Variants in DPP6 observed in about 807,000 individuals in gnomAD.
DPP6 encodes dipeptidyl peptidase like 6.
In DPP6, 69 loss-of-function variants were observed where a neutral mutation model predicts 122.6. The ratio of observed to expected loss-of-function variants is 0.56; its 90% CI spans 0.46 to 0.69. The LOEUF (loss-of-function observed/expected upper bound fraction) is 0.69. Among genes scored for constraint, DPP6 ranks in the 30% least tolerant of loss-of-function variants. The probability of loss-of-function intolerance (pLI) is 0.00; values close to 1 mark genes in which losing one functional copy is unlikely to be tolerated. For missense variants in DPP6, 928 were observed against 1,116.9 expected (o/e 0.83, Z 2.41); for synonymous variants, 418 against 433.1 (o/e 0.97, Z 0.43).
At chr7:154,032,167 C>A (rs1346427399) in intron 1 of DPP6, among the ~76,000 whole-genome samples, 1 of 152,002 alleles carries the variant, frequency 6.6e-6, no homozygotes, top group Non-Finnish European at 1.5e-5. Context: ...AGCAGGAGTC[C>A]CATTCTTATA....
intron 1 of DPP6, among the ~76,000 whole-genome samples, chr7:154,318,747 G>A (rs1807654175): frequency 6.6e-6 from 1 of 152,198 alleles, no homozygotes; most frequent in Non-Finnish European, 1.5e-5. Context: ...TAAGTAGAGT[G>A]TAGTAACAGT....
At chr7:154,666,157 C>T (rs1175660361) in intron 6 of DPP6, among the ~76,000 whole-genome samples, 1 of 147,154 alleles carries the variant, frequency 6.8e-6, no homozygotes, top group Non-Finnish European at 1.5e-5. Context: ...ATAATTATAT[C>T]ATACTATATA....
At chr7:154,391,471 T>C (rs1814611069) in intron 1 of DPP6, among the ~76,000 whole-genome samples, 1 of 152,230 alleles carries the variant, frequency 6.6e-6, no homozygotes, top group African/African-American at 2.4e-5. Context: ...TGAATGTGCG[T>C]CTTTCCAGAC....
At chr7:153,849,365 C>T in the DPP6 span, among the ~76,000 whole-genome samples, 1 of 151,536 alleles carries the variant, frequency 6.6e-6, no homozygotes, top group African/African-American at 2.4e-5. Context: ...TTTCCTGGTT[C>T]ACCTGCTGAA....
intron 1 of DPP6, among the ~76,000 whole-genome samples, chr7:154,178,749 GCC>G (rs1159583771): frequency 6.6e-6 from 1 of 152,198 alleles, no homozygotes; most frequent in Non-Finnish European, 1.5e-5. Context: ...TTCTGCAACA[GCC>G]TTTTGCAGTT....
At chr7:154,723,549 G>T (rs1488012853) in intron 7 of DPP6, among the ~76,000 whole-genome samples, 2 of 151,888 alleles carry the variant, frequency 1.3e-5, no homozygotes, top group African/African-American at 2.4e-5. Context: ...ATTAAATTAG[G>T]TTGTATACTT....
At chr7:154,130,394 C>T (rs959689091) in intron 1 of DPP6, among the ~76,000 whole-genome samples, 2 of 152,042 alleles carry the variant, frequency 1.3e-5, no homozygotes, top group African/African-American at 2.4e-5. Flanking sequence ...AACTGTAGGC[C>T]GGTTTCCTCA....
intron 1 of DPP6, among the ~76,000 whole-genome samples, chr7:153,975,092 A>C (rs930971284): frequency 1.3e-5 from 2 of 152,230 alleles, no homozygotes; most frequent in African/African-American, 2.4e-5. Context: ...CAGCCAGAGC[A>C]GTAGGCACTG....
intron 1 of DPP6, among the ~76,000 whole-genome samples, chr7:154,313,050 A>G (rs1461828149): frequency 1.3e-5 from 2 of 152,246 alleles, no homozygotes; most frequent in African/African-American, 4.8e-5. Context: ...TATGACACTA[A>G]GTATGTATCT....
chr7:154,402,652 G>A (rs1362817035), intron 1 of DPP6, among the ~76,000 whole-genome samples: 1 of 148,980 alleles, frequency 6.7e-6, no homozygotes, highest in Non-Finnish European at 1.5e-5. Context: ...AATGCTAGAT[G>A]ACGAGTTAGT....
intron 2 of DPP6, among the ~76,000 whole-genome samples, chr7:154,453,131 G>C (rs913623028): frequency 6.6e-6 from 1 of 152,184 alleles, no homozygotes; most frequent in Non-Finnish European, 1.5e-5. Flanking sequence ...AATCGCTGAC[G>C]TGGGGGTCGG....
intron 1 of DPP6, among the ~76,000 whole-genome samples, chr7:154,205,999 T>C (rs1799427169): frequency 6.6e-6 from 1 of 152,118 alleles, no homozygotes; most frequent in Admixed American, 6.5e-5. Flanking sequence ...CTCCACACCA[T>C]GATGCCATCC....
chr7:154,299,643 C>T (rs552700264), intron 1 of DPP6, among the ~76,000 whole-genome samples: 6 of 152,324 alleles, frequency 3.9e-5, no homozygotes, highest in African/African-American at 9.6e-5. Context: ...AGTGACTTCT[C>T]TTGCAGATGG....
rs546256627 is a variant in DPP6, at chr7:154,209,605, C to A, written c.243+156542C>A. Among the ~76,000 whole-genome samples, 7 of 151,752 alleles carry A rather than the reference C, an allele frequency of 4.6e-5. No homozygotes were observed. In the East Asian group the frequency reaches 1.4e-3, roughly 29 times the overall value. On this transcript the variant is annotated intron_variant, in intron 1 of 25. Transcript: ENST00000377770. ...CTGAAAAAGATCCAGTGATACCAAG[C>A]GTACCTAGTTTCCATCCTCATAAAA...
chr7:154,550,456 T>C (rs144485664), intron 4 of DPP6, among the ~76,000 whole-genome samples: 41 of 152,302 alleles, frequency 2.7e-4, no homozygotes, highest in African/African-American at 9.6e-4. Context: ...CAGAGACAAA[T>C]ATAAAATTGT....
At chr7:154,862,731 G>A (rs1391324310) in intron 17 of DPP6, among the ~76,000 whole-genome samples, 1 of 152,156 alleles carries the variant, frequency 6.6e-6, no homozygotes, top group Admixed American at 6.5e-5. Flanking sequence ...AACTCCTCTG[G>A]CATCAAACAC....
chr7:154,823,705 C>T (rs1022452333), intron 16 of DPP6, among the ~76,000 whole-genome samples: 29 of 152,148 alleles, frequency 1.9e-4, no homozygotes, highest in African/African-American at 5.8e-4. Flanking sequence ...GTGATAGGCA[C>T]ATTTGTGTAG....
intron 8 of DPP6, among the ~76,000 whole-genome samples, chr7:154,759,947 C>T (rs954364236): frequency 2.6e-5 from 4 of 152,202 alleles, no homozygotes; most frequent in South Asian, 2.1e-4. Flanking sequence ...TATGGTGAAA[C>T]CCCATCTCTA....
chr7:154,061,990 C>A (rs577418756), intron 1 of DPP6, among the ~76,000 whole-genome samples: 1 of 132,164 alleles, frequency 7.6e-6, no homozygotes, highest in Non-Finnish European at 1.7e-5. Flanking sequence ...CTCTTCCGCC[C>A]CTGGCTGTTG....
Sources: gnomAD v4.1 joint callset for allele counts (sites outside exome capture counted in the v4.1 genomes callset) on GRCh38, gnomAD v4.1.1 for gene constraint, MANE v1.5 for transcripts, NCBI Gene and HGNC (gene_info 2026-07-23, HGNC 2026-07-21) for gene names.